The following SKI variants were observed in gnomAD, a reference collection of about 807,000 sequenced individuals.
SKI encodes SKI proto-oncogene.
A neutral mutation model predicts 59.3 loss-of-function variants in SKI; 23 were observed. The observed-to-expected ratio is 0.39, with a 90% CI of 0.28 to 0.55. The LOEUF (loss-of-function observed/expected upper bound fraction) is 0.55, where lower values mean the gene tolerates loss of function less well. Ranked by LOEUF, SKI falls within the 20% of genes least tolerant of loss-of-function variation. The pLI is 0.67. For missense variants in SKI, 1,017 were observed against 1,038.9 expected, an observed-to-expected ratio of 0.98 and a Z score of 0.29; for synonymous variants, 673 against 488.6, an observed-to-expected ratio of 1.38 and a Z score of -4.98.
chr1:2,287,534 C>A (rs574130172), intron 1 of SKI, among the ~76,000 whole-genome samples: 1 of 152,072 alleles, frequency 6.6e-6, no homozygotes, highest in Non-Finnish European at 1.5e-5. Context: ...GACGGGGTTT[C>A]ACTGTGTTAG....
In SKI at chr1:2,302,032, G is replaced by A. The variant is rs1359381411; in HGVS notation, c.970-946G>A. Among the ~76,000 whole-genome samples, 6 of 152,264 alleles carry A rather than the reference G, an allele frequency of 3.9e-5. No homozygotes were observed. In the East Asian group the frequency reaches 9.6e-4, roughly 24 times the overall value. ...TCAGTTGTGCCTTGCGGGCAGCACC[G>A]TCTCAGGGGTTTCCAGCCGCAGGGC... On this transcript the variant is annotated intron_variant, in intron 1 of 6. Transcript: ENST00000378536.
At chr1:2,286,512 T>C (rs1274215119) in intron 1 of SKI, among the ~76,000 whole-genome samples, 2 of 152,170 alleles carry the variant, frequency 1.3e-5, no homozygotes, top group African/African-American at 4.8e-5. Context: ...AATCATAAAA[T>C]GCAAATGTAA....
intron 1 of SKI, among the ~76,000 whole-genome samples, chr1:2,285,999 G>A (rs981359000): frequency 2.0e-5 from 3 of 147,488 alleles, no homozygotes; most frequent in African/African-American, 2.5e-5. Context: ...TCAGCCTCCC[G>A]AGTAGCTGGG....
intron 1 of SKI, among the ~76,000 whole-genome samples, chr1:2,262,804 T>C (rs1639417094): frequency 6.6e-6 from 1 of 152,206 alleles, no homozygotes; most frequent in Non-Finnish European, 1.5e-5. Context: ...TGAATTATAT[T>C]GACTGATTCT....
At chr1:2,234,928 G>A (rs1158018581) in intron 1 of SKI, among the ~76,000 whole-genome samples, 2 of 152,184 alleles carry the variant, frequency 1.3e-5, no homozygotes, top group Admixed American at 6.5e-5. Flanking sequence ...TGGAGGGGGG[G>A]CTGCCTGGGG....
chr1:2,296,943 A>T (rs1253844688), intron 1 of SKI, among the ~76,000 whole-genome samples: 3 of 152,134 alleles, frequency 2.0e-5, no homozygotes, highest in Non-Finnish European at 2.9e-5. Flanking sequence ...AGCCAGGGAC[A>T]TGAGAGCATA....
chr1:2,257,062 T>C (rs1306478765), intron 1 of SKI, among the ~76,000 whole-genome samples: 2 of 152,368 alleles, frequency 1.3e-5, no homozygotes, highest in African/African-American at 4.8e-5. Flanking sequence ...CTCCGCCTTA[T>C]CATGAGCACT....
At chr1:2,292,387 A>G (rs1030661434) in intron 1 of SKI, among the ~76,000 whole-genome samples, 1 of 152,148 alleles carries the variant, frequency 6.6e-6, no homozygotes, top group African/African-American at 2.4e-5. Flanking sequence ...TGGGTGCCCC[A>G]TGAAGGACTG....
At chr1:2,264,296 G>A (rs1312071813) in intron 1 of SKI, among the ~76,000 whole-genome samples, 2 of 152,254 alleles carry the variant, frequency 1.3e-5, no homozygotes, top group East Asian at 3.9e-4. Context: ...TTGAGATGGA[G>A]TCTTGCTCTG....
Position 2,298,396 on chromosome 1 carries a change from G to T in SKI, c.970-4582G>T, listed in dbSNP as rs114586752. ...TTGACATCATCATGGCTGCTGCTGT[G>T]CGCCTCTCCCTTGGAGCAGGTGTGG... On this transcript the variant is annotated intron_variant, in intron 1 of 6. Coordinates refer to ENST00000378536, the MANE Select transcript of SKI (RefSeq NM_003036.4). Among the ~76,000 whole-genome samples the T allele has an allele frequency of 1.0e-2, 1,516 of 152,280 alleles. 25 individuals are homozygous for T. The highest frequency in any genetic ancestry group is 0.034 in the African/African-American group (1,421 of 41,536).
chr1:2,259,563 A>G (rs1017594474), intron 1 of SKI, among the ~76,000 whole-genome samples: 1 of 152,230 alleles, frequency 6.6e-6, no homozygotes, highest in Non-Finnish European at 1.5e-5. Flanking sequence ...TTTTTGAGGC[A>G]TAATTAACAT....
Position 2,263,073 on chromosome 1 carries a change from G to C in SKI, c.969+33338G>C, listed in dbSNP as rs12080184. Among the ~76,000 whole-genome samples the C allele has an allele frequency of 7.0e-3, 1,067 of 151,820 alleles. 12 individuals are homozygous for C. Among genetic ancestry groups the C allele is most frequent in the African/African-American group, 0.023 (940 of 41,412 alleles). Reference sequence around the variant, plus strand: ...CACCGCCACACCCAGCTAATTTTTTGTATTTTCAGTAGAGACAGGGTTTCA... The same window carrying C: ...CACCGCCACACCCAGCTAATTTTTTCTATTTTCAGTAGAGACAGGGTTTCA... On this transcript the variant is annotated intron_variant, in intron 1 of 6. Coordinates refer to ENST00000378536, the MANE Select transcript of SKI (RefSeq NM_003036.4).
chr1:2,291,705 TGG>T (rs5772064), intron 1 of SKI, among the ~76,000 whole-genome samples: 1 of 151,500 alleles, frequency 6.6e-6, no homozygotes, highest in Non-Finnish European at 1.5e-5. Flanking sequence ...TCTGGCATTG[TGG>T]GGGGGCCCCC....
chr1:2,243,370 T>C (rs1455742501), intron 1 of SKI, among the ~76,000 whole-genome samples: 1 of 152,368 alleles, frequency 6.6e-6, no homozygotes, highest in Non-Finnish European at 1.5e-5. Context: ...GCCATCCTTA[T>C]GCCCCGCCTG....
At chr1:2,275,682 T>C (rs1037310374) in intron 1 of SKI, among the ~76,000 whole-genome samples, 5 of 152,138 alleles carry the variant, frequency 3.3e-5, no homozygotes, top group African/African-American at 1.2e-4. Context: ...TCGGCTAATT[T>C]TTTGTATTTT....
intron 1 of SKI, among the ~76,000 whole-genome samples, chr1:2,263,993 T>C (rs1277554224): frequency 2.0e-5 from 3 of 149,848 alleles, no homozygotes; most frequent in Non-Finnish European, 4.4e-5. Flanking sequence ...CTGGGCAACA[T>C]AGGGAGACAC....
At chr1:2,254,105 T>C (rs1020008177) in intron 1 of SKI, among the ~76,000 whole-genome samples, 6 of 152,272 alleles carry the variant, frequency 3.9e-5, no homozygotes, top group African/African-American at 1.2e-4. Context: ...CCAGGTGGGC[T>C]CCAGTGACCA....
chr1:2,254,890 A>G (rs1371840927), intron 1 of SKI, among the ~76,000 whole-genome samples: 1 of 152,150 alleles, frequency 6.6e-6, no homozygotes, highest in Admixed American at 6.5e-5. Context: ...GACAGCCACA[A>G]CAACACTTCT....
In SKI at chr1:2,256,720, A is replaced by G. The variant is rs1047689641; in HGVS notation, c.969+26985A>G. Among the ~76,000 whole-genome samples the G allele has an allele frequency of 8.5e-5, 13 of 152,322 alleles. No individual in the cohort carries two copies. The South Asian group carries it at 1.5e-3, about 17-fold the overall frequency. ...TCAGCGTCTTGCCTCTGGTGTCCCC[A>G]TGGCGAAGTCCCCTGCCATCTGCTT... On this transcript the variant is annotated intron_variant, in intron 1 of 6. Coordinates refer to ENST00000378536, the MANE Select transcript of SKI (RefSeq NM_003036.4).
Sources: gnomAD v4.1 joint callset for allele counts (sites outside exome capture counted in the v4.1 genomes callset) on GRCh38, gnomAD v4.1.1 for gene constraint, MANE v1.5 for transcripts, NCBI Gene and HGNC (gene_info 2026-07-23, HGNC 2026-07-21) for gene names.